Variants in SIRPG observed in about 807,000 individuals in gnomAD.
SIRPG encodes the protein signal regulatory protein gamma, also known as signal-regulatory protein gamma.
In SIRPG, 38 loss-of-function variants were observed where a neutral mutation model predicts 35.7. The observed-to-expected ratio is 1.06, with a 90% CI of 0.82 to 1.40. SIRPG has a LOEUF of 1.40. SIRPG is among the 40% of genes most tolerant of loss of function. The probability of loss-of-function intolerance (pLI) is 0.00; values close to 1 mark genes in which losing one functional copy is unlikely to be tolerated. For missense variants in SIRPG, 519 were observed against 483.0 expected, an observed-to-expected ratio of 1.07 and a Z score of -0.70; for synonymous variants, 215 against 190.4, an observed-to-expected ratio of 1.13 and a Z score of -1.06.
intron 2 of SIRPG, among the ~76,000 whole-genome samples, chr20:1,644,961 C>T (rs1270864556): frequency 6.6e-6 from 1 of 152,190 alleles, no homozygotes; most frequent in Non-Finnish European, 1.5e-5. Context: ...ATGGGAGCCT[C>T]CTATCACTGC....
chr20:1,631,751 C>G (rs2091752295), intron 4 of SIRPG, among the ~76,000 whole-genome samples: 2 of 152,340 alleles, frequency 1.3e-5, no homozygotes, highest in South Asian at 4.1e-4. Flanking sequence ...AAAACTTTCA[C>G]TGGCAGTAAG....
chr20:1,640,124 A>G (rs2091840654), intron 2 of SIRPG, among the ~76,000 whole-genome samples: 3 of 152,084 alleles, frequency 2.0e-5, no homozygotes, highest in Admixed American at 2.0e-4. Context: ...GGTTCAATAT[A>G]AAATTTAATG....
chr20:1,651,704 G>A (rs905593024), intron 1 of SIRPG, among the ~76,000 whole-genome samples: 2 of 152,040 alleles, frequency 1.3e-5, no homozygotes, highest in African/African-American at 4.8e-5. Context: ...GCTACTGATT[G>A]GCTCCACAAT....
At chr20:1,630,397 GC>G in intron 4 of SIRPG, 91 bp from the exon 5 acceptor site, 1 of 894,458 alleles carries the variant, frequency 1.1e-6, no homozygotes, top group Non-Finnish European at 1.7e-6. Flanking sequence ...GGCTGCCTGG[GC>G]CCATCTATGC....
intron 1 of SIRPG, among the ~76,000 whole-genome samples, chr20:1,656,142 G>A (rs994489012): frequency 9.2e-5 from 14 of 152,176 alleles, no homozygotes; most frequent in African/African-American, 3.4e-4. Flanking sequence ...TCTGACTGGT[G>A]TGATGGGTGA....
chr20:1,675,105 A>G, the SIRPG span, among the ~76,000 whole-genome samples: 8 of 152,234 alleles, frequency 5.3e-5, no homozygotes, highest in Non-Finnish European at 1.2e-4. Context: ...CCCTGTAGCC[A>G]TAAAACACTA....
At chr20:1,667,678 G>T in the SIRPG span, among the ~76,000 whole-genome samples, 1 of 152,158 alleles carries the variant, frequency 6.6e-6, no homozygotes, top group African/African-American at 2.4e-5. Context: ...TTGCAAATAA[G>T]CATGTTCTGG....
upstream of SIRPG, among the ~76,000 whole-genome samples, chr20:1,662,026 AG>A (rs2080480118): frequency 1.3e-4 from 20 of 152,322 alleles, no homozygotes; most frequent in South Asian, 4.1e-3. Context: ...GATGAAACCC[AG>A]TCCCCTGCAC....
In SIRPG at chr20:1,649,057, A is replaced by G; in HGVS notation, c.425T>C (p.Leu142Ser). ...GAGGTCCATGTTGTACTCACCACCC[A>G]AAGCCATCTCAGTGCCTGGTCCAGA... ...FKSGPGTEMALGAKPSAPVVL... is the reference protein window; with the variant it reads ...FKSGPGTEMASGAKPSAPVVL... Residue 142 changes from leucine (L) to serine (S), a missense_variant, in exon 2 of 6, where the codon TTG becomes TCG. By Grantham distance (145) the Leu-to-Ser change is moderately radical. Coordinates refer to ENST00000303415, the MANE Select transcript of SIRPG (RefSeq NM_018556.4). 6.2e-7 allele frequency: 1 copy of G among 1,613,530 alleles called. No individual in the cohort carries two copies. The highest frequency in any genetic ancestry group is 2.2e-5 in the East Asian group (1 of 44,880).
At chr20:1,684,886 C>T in the SIRPG span, among the ~76,000 whole-genome samples, 1 of 152,188 alleles carries the variant, frequency 6.6e-6, no homozygotes, top group Admixed American at 6.5e-5. Context: ...TTAAAATACA[C>T]AAATTACTAA....
At chr20:1,682,885 G>A in the SIRPG span, among the ~76,000 whole-genome samples, 1 of 152,176 alleles carries the variant, frequency 6.6e-6, no homozygotes, top group Non-Finnish European at 1.5e-5. Context: ...TTCTACATGT[G>A]CATTTCTCGT....
Position 1,656,095 on chromosome 20 carries a change from A to G in SIRPG, c.73+1547T>C, listed in dbSNP as rs141849991. The stretch of plus-strand genomic sequence containing the variant: ...TCCAACACATTTTTAACATTTTGGG[A>G]AAACATACATACACTAGTGTTTTAC... On this transcript the variant is annotated intron_variant, in intron 1 of 5. Coordinates refer to ENST00000303415, the MANE Select transcript of SIRPG (RefSeq NM_018556.4). 5.2e-3 allele frequency among the ~76,000 whole-genome samples: 798 copies of G among 152,350 alleles called. 2 individuals are homozygous for G. Among genetic ancestry groups the G allele is most frequent in the African/African-American group, 0.018 (760 of 41,582 alleles).
the SIRPG span, among the ~76,000 whole-genome samples, chr20:1,663,976 G>A: frequency 8.3e-3 from 1,258 of 152,336 alleles, 15 homozygotes; most frequent in African/African-American, 0.027. Context: ...AGAGCATGGT[G>A]TCAGCATCTG....
chr20:1,651,607 A>T (rs549166688), intron 1 of SIRPG, among the ~76,000 whole-genome samples: 4 of 152,234 alleles, frequency 2.6e-5, no homozygotes, highest in African/African-American at 7.2e-5. Flanking sequence ...CATTTTCAAC[A>T]CTAATGGCAA....
chr20:1,676,804 G>A, the SIRPG span: 12 of 207,188 alleles, frequency 5.8e-5, no homozygotes, highest in South Asian at 3.4e-4. Flanking sequence ...CAGGGAGGTC[G>A]CAGTGCAGTG....
In SIRPG at chr20:1,630,284, C is replaced by A. The variant is rs114055242; in HGVS notation, c.1104G>T (p.Ala368=). The part of the protein sequence containing the change: ...ATPGPASSLT[A]LLLIAVLLGP... ...CCAGGAGGACAGCTATGAGGAGCAG[C>A]GCAGTAAGGGATGATGCCGGGCCTG... Residue 368 remains alanine, a synonymous_variant, in exon 5 of 6, where the codon GCG becomes GCT. Transcript: ENST00000303415. 3.2e-6 allele frequency: 5 copies of A among 1,570,060 alleles called. No homozygotes were observed. The highest frequency in any genetic ancestry group is 1.8e-4 in the Middle Eastern group (1 of 5,540).
At chr20:1,674,934 G>C in the SIRPG span, among the ~76,000 whole-genome samples, 1 of 152,180 alleles carries the variant, frequency 6.6e-6, no homozygotes, top group African/African-American at 2.4e-5. Flanking sequence ...GTCCCAGTGG[G>C]CACTTCCTGT....
intron 1 of SIRPG, among the ~76,000 whole-genome samples, chr20:1,655,657 A>T (rs1241433111): frequency 6.6e-6 from 1 of 152,200 alleles, no homozygotes; most frequent in Non-Finnish European, 1.5e-5. Context: ...AAAACTGCTG[A>T]GAGAGCAGAG....
At chr20:1,674,179 G>A in the SIRPG span, among the ~76,000 whole-genome samples, 3 of 151,870 alleles carry the variant, frequency 2.0e-5, no homozygotes, top group African/African-American at 7.3e-5. Flanking sequence ...AATTAAACTG[G>A]CATTTTTTTT....
Sources: allele counts gnomAD v4.1 joint callset (sites outside exome capture counted in the v4.1 genomes callset), GRCh38; gene constraint gnomAD v4.1.1; transcripts MANE v1.5; gene names NCBI Gene and HGNC (gene_info 2026-07-23, HGNC 2026-07-21).